Variants in GTF2E2 observed in about 807,000 individuals in gnomAD.
GTF2E2 encodes the protein general transcription factor IIE subunit 2.
A neutral mutation model predicts 40.5 loss-of-function variants in GTF2E2; 21 were observed. That is an observed-to-expected ratio of 0.52 (90% CI 0.37 to 0.75). The LOEUF is 0.75. Among genes scored for constraint, GTF2E2 ranks in the 30% least tolerant of loss-of-function variants. The pLI is 0.00. For synonymous variants in GTF2E2, 117 were observed against 121.6 expected (o/e 0.96, Z 0.25); for missense variants, 298 against 338.4 (o/e 0.88, Z 0.94).
chr8:30,629,420 C>T (rs1801374718), intron 3 of GTF2E2, among the ~76,000 whole-genome samples: 1 of 152,132 alleles, frequency 6.6e-6, no homozygotes, highest in African/African-American at 2.4e-5. Flanking sequence ...CAGACTGTTG[C>T]TCACGCCTGT....
Position 30,612,385 on chromosome 8 carries a change from A to C in GTF2E2, c.463T>G (p.Leu155Val). ...AATCCTCGCTGGTCATGCTGATCTA[A>C]GAGCCTAAGTAGGGCCTTCTTATCT... ...VRDKKALLRL[L>V]DQHDQRGLGG... The change falls in exon 5 of 8, where the codon TTA (leucine) becomes GTA (valine). Residue 155 changes from leucine (L) to valine (V), a missense_variant. Physicochemically the swap from Leu to Val is conservative, Grantham distance 32. Coordinates refer to ENST00000355904, the MANE Select transcript of GTF2E2 (RefSeq NM_002095.6). 6.2e-7 allele frequency: 1 copy of C among 1,612,462 alleles called. No homozygotes were observed. The highest frequency in any genetic ancestry group is 8.5e-7 in the Non-Finnish European group (1 of 1,178,566).
chr8:30,580,067 C>T (rs1295293195), intron 7 of GTF2E2, among the ~76,000 whole-genome samples: 1 of 152,148 alleles, frequency 6.6e-6, no homozygotes, highest in Non-Finnish European at 1.5e-5. Flanking sequence ...AGCAGGACTG[C>T]TTGGGAGGAG....
At chr8:30,618,254 AC>A (rs1800982175) in intron 3 of GTF2E2, among the ~76,000 whole-genome samples, 1 of 66,558 alleles carries the variant, frequency 1.5e-5, no homozygotes, top group African/African-American at 8.2e-5. Context: ...CCGAGGTTGC[AC>A]TATTGCACTC....
intron 6 of GTF2E2, among the ~76,000 whole-genome samples, chr8:30,586,755 G>T (rs1427251915): frequency 6.6e-6 from 1 of 152,122 alleles, no homozygotes; most frequent in East Asian, 1.9e-4. Flanking sequence ...CACACAATGG[G>T]AAAAGGACAG....
chr8:30,624,552 G>C (rs1329998660), intron 3 of GTF2E2, among the ~76,000 whole-genome samples: 3 of 152,216 alleles, frequency 2.0e-5, no homozygotes, highest in East Asian at 1.9e-4. Context: ...TGTGAAGAAA[G>C]TCATTGGTAG....
chr8:30,649,344 G>C (rs764568995), intron 2 of GTF2E2, among the ~76,000 whole-genome samples: 1 of 151,658 alleles, frequency 6.6e-6, no homozygotes, highest in Non-Finnish European at 1.5e-5. Context: ...AATAATGTAA[G>C]AGTAAACTAA....
chr8:30,581,566 G>A (rs1283067342), intron 6 of GTF2E2, among the ~76,000 whole-genome samples: 1 of 152,176 alleles, frequency 6.6e-6, no homozygotes, highest in East Asian at 1.9e-4. Flanking sequence ...GGCAAAAGTG[G>A]CAAAATCTAC....
intron 6 of GTF2E2, among the ~76,000 whole-genome samples, chr8:30,581,887 G>A (rs138448332): frequency 6.3e-4 from 96 of 152,254 alleles, no homozygotes; most frequent in Admixed American, 2.7e-3. Flanking sequence ...TTTGACTACT[G>A]AATGTATGAA....
chr8:30,613,196 A>G (rs988520285), intron 4 of GTF2E2, among the ~76,000 whole-genome samples: 1 of 152,234 alleles, frequency 6.6e-6, no homozygotes, highest in Non-Finnish European at 1.5e-5. Flanking sequence ...ACAGCTTATC[A>G]CATACTGGCA....
intron 6 of GTF2E2, among the ~76,000 whole-genome samples, chr8:30,602,020 CTTT>C (rs11292554): frequency 7.1e-5 from 10 of 141,808 alleles, no homozygotes; most frequent in Admixed American, 1.4e-4. Context: ...ATTTTTTAAT[CTTT>C]TTTTTTTTTT....
At chr8:30,641,563 T>C (rs1801831940) in intron 2 of GTF2E2, among the ~76,000 whole-genome samples, 1 of 152,072 alleles carries the variant, frequency 6.6e-6, no homozygotes, top group African/African-American at 2.4e-5. Context: ...CCTCCCCACA[T>C]TGCCCAGGCT....
chr8:30,654,191 T>C (rs1019147127), intron 1 of GTF2E2, among the ~76,000 whole-genome samples: 13 of 152,112 alleles, frequency 8.5e-5, no homozygotes, highest in African/African-American at 3.1e-4. Flanking sequence ...CATGTGCCTA[T>C]TAAACATGTG....
intron 3 of GTF2E2, among the ~76,000 whole-genome samples, chr8:30,629,688 CAAAAAAAAAAAAA>C (rs10707910): frequency 1.4e-5 from 1 of 70,978 alleles, no homozygotes; most frequent in Non-Finnish European, 2.7e-5. Context: ...GATTCCATCT[CAAAAAAAAAAAAA>C]AAAAAAAAGA....
chr8:30,581,744 T>C (rs1296080284), intron 6 of GTF2E2, among the ~76,000 whole-genome samples: 20 of 152,208 alleles, frequency 1.3e-4, no homozygotes, highest in Non-Finnish European at 7.3e-5. Flanking sequence ...GTGTGCATGA[T>C]TGTCTCGGCC....
intron 3 of GTF2E2, among the ~76,000 whole-genome samples, chr8:30,624,260 G>A (rs1801201916): frequency 6.6e-6 from 1 of 152,042 alleles, no homozygotes; most frequent in African/African-American, 2.4e-5. Flanking sequence ...ACCATTTGTT[G>A]AACAGGGAAT....
Position 30,639,029 on chromosome 8 carries a change from G to A in GTF2E2, c.167-3906C>T, listed in dbSNP as rs976760141. Among the ~76,000 whole-genome samples the A allele has an allele frequency of 2.2e-4, 34 of 152,106 alleles. 1 individual carries two copies. The highest frequency in any genetic ancestry group is 7.0e-4 in the African/African-American group (29 of 41,444). On this transcript the variant is annotated intron_variant, in intron 2 of 7. Transcript: ENST00000355904. ...TTAAAGAAAAACCCAGATCAAAAGCGAATTCCAGACTAAAGCTTTCTGATT... is the reference window on the plus strand; with the variant it reads ...TTAAAGAAAAACCCAGATCAAAAGCAAATTCCAGACTAAAGCTTTCTGATT...
chr8:30,608,035 T>C (rs1457798122), intron 5 of GTF2E2, among the ~76,000 whole-genome samples: 1 of 152,200 alleles, frequency 6.6e-6, no homozygotes, highest in East Asian at 1.9e-4. Context: ...CTTTTAACTT[T>C]CATTGAGTAC....
intron 3 of GTF2E2, 43 bp from the exon 4 acceptor site, chr8:30,614,758 G>T: frequency 2.9e-6 from 3 of 1,035,030 alleles, no homozygotes; most frequent in Non-Finnish European, 4.5e-6. Context: ...GTTTCAAAAT[G>T]CTAGATGCAT....
rs192114271 is a variant in GTF2E2 at position 30,607,511 on chromosome 8, G to A, written c.550-361C>T. 9.9e-5 allele frequency among the ~76,000 whole-genome samples: 15 copies of A among 152,208 alleles called. No homozygotes were observed. The East Asian group carries it at 2.5e-3, about 25-fold the overall frequency. On this transcript the variant is annotated intron_variant, in intron 5 of 7. Transcript: ENST00000355904. ...GCCAGGGCTGGTCTTGAACTCCTGG[G>A]CTCAAGCGATCTTCCCACCTCAGCA...
Sources: gnomAD v4.1 joint callset for allele counts (sites outside exome capture counted in the v4.1 genomes callset) on GRCh38, gnomAD v4.1.1 for gene constraint, MANE v1.5 for transcripts, NCBI Gene and HGNC (gene_info 2026-07-23, HGNC 2026-07-21) for gene names.